Variants in CDYL2 observed in about 807,000 individuals in gnomAD.
CDYL2 encodes the protein chromodomain Y like 2, also known as chromodomain Y-like protein 2.
Under a neutral mutation model 49.4 loss-of-function variants are expected in CDYL2, and 23 were observed. The observed-to-expected ratio is 0.47, with a 90% CI of 0.34 to 0.66. The LOEUF (loss-of-function observed/expected upper bound fraction) is 0.66, where lower values mean the gene tolerates loss of function less well. Ranked by LOEUF, CDYL2 falls within the 30% of genes least tolerant of loss-of-function variation. The pLI is 0.01. For missense variants in CDYL2, 678 were observed against 656.4 expected (o/e 1.03, Z -0.36); for synonymous variants, 360 against 268.8 (o/e 1.34, Z -3.32).
chr16:80,686,767 T>C (rs16953834), intron 1 of CDYL2, among the ~76,000 whole-genome samples: 2,629 of 152,340 alleles, frequency 0.017, 79 homozygotes, highest in African/African-American at 0.06. Context: ...TTAATAAATA[T>C]GCAAATAACT....
rs536585874 is a variant in CDYL2 at position 80,668,877 on chromosome 16, C to T, written c.616+15661G>A. Among the ~76,000 whole-genome samples, 28 of 151,722 alleles carry T rather than the reference C, an allele frequency of 1.8e-4. No individual in the cohort carries two copies. In the South Asian group the frequency reaches 4.6e-3, roughly 25 times the overall value. On this transcript the variant is annotated intron_variant, in intron 2 of 6. Transcript: ENST00000570137. ...TCACCCCACTGCACTCCAACCTGGG[C>T]GACAGAGTCAGACACCATCTCAAAT...
intron 2 of CDYL2, chr16:80,639,588 C>A (rs192940537): frequency 2.3e-6 from 1 of 436,660 alleles, no homozygotes; most frequent in Non-Finnish European, 4.5e-6. Context: ...TACCCTCCCC[C>A]CTGCAAGGAC....
rs896768685 is a variant in CDYL2, at chr16:80,603,770, TAC to T, written c.*616_*617del. On this transcript the variant is annotated 3_prime_UTR_variant, in exon 7 of 7. Coordinates refer to ENST00000570137, the MANE Select transcript of CDYL2 (RefSeq NM_152342.4). ...CACATAAATTATCAGAATTTCCACT[TAC>T]ATTGTTTTAAAAATATATATTTAAC... 6.5e-6 allele frequency: 1 copy of T among 152,696 alleles called. No individual in the cohort carries two copies. The highest frequency in any genetic ancestry group is 2.4e-5 in the African/African-American group (1 of 41,470). 9.5% of individuals were successfully genotyped at this position (152,696 alleles called of 1,614,324 possible).
At chr16:80,674,629 T>A (rs1379730963) in intron 2 of CDYL2, among the ~76,000 whole-genome samples, 1 of 152,212 alleles carries the variant, frequency 6.6e-6, no homozygotes, top group Non-Finnish European at 1.5e-5. Context: ...CCTCCTCCCC[T>A]TAGCCCCTGG....
At chr16:80,783,196 C>G (rs1326367621) in intron 1 of CDYL2, among the ~76,000 whole-genome samples, 1 of 152,096 alleles carries the variant, frequency 6.6e-6, no homozygotes, top group Non-Finnish European at 1.5e-5. Flanking sequence ...CAATTTGAAA[C>G]TAGGCAAAGA....
chr16:80,668,592 G>C (rs1301092480), intron 2 of CDYL2, among the ~76,000 whole-genome samples: 2 of 151,966 alleles, frequency 1.3e-5, no homozygotes, highest in East Asian at 3.8e-4. Flanking sequence ...CCTCTAAATA[G>C]GATTTGGGAA....
At chr16:80,706,345 C>A (rs1043400717) in intron 1 of CDYL2, among the ~76,000 whole-genome samples, 1 of 152,174 alleles carries the variant, frequency 6.6e-6, no homozygotes, top group African/African-American at 2.4e-5. Flanking sequence ...TGGACCCATC[C>A]GCTCAATGCT....
At position 80,599,216 on chromosome 16, in the gene CDYL2, C is replaced by G. The variant is rs114551544; in HGVS notation, c.*5172G>C. On this transcript the variant is annotated 3_prime_UTR_variant, in exon 7 of 7. Transcript: ENST00000570137. ...GATATGGGTTTTTCTGACTGCCACA[C>G]ACACTGCAAAAATTTAAAGCAAATC... The G allele has an allele frequency of 6.6e-6, 1 of 152,160 alleles. No homozygotes were observed. Among genetic ancestry groups the G allele is most frequent in the African/African-American group, 2.4e-5 (1 of 41,426 alleles). 9.4% of individuals were successfully genotyped at this position (152,160 alleles called of 1,614,324 possible). A position where few individuals can be genotyped will look rare whatever the true frequency, so the allele number is the denominator to read the frequency against.
intron 1 of CDYL2, among the ~76,000 whole-genome samples, chr16:80,698,901 T>C (rs868695052): frequency 1.3e-5 from 2 of 151,892 alleles, no homozygotes; most frequent in Non-Finnish European, 2.9e-5. Flanking sequence ...ACTAATACAA[T>C]ATGAAAAAAT....
At chr16:80,649,158 A>G (rs1240358621) in intron 2 of CDYL2, among the ~76,000 whole-genome samples, 2 of 152,168 alleles carry the variant, frequency 1.3e-5, no homozygotes, top group Admixed American at 6.5e-5. Context: ...GACAAATGAA[A>G]GAAATAAAGG....
chr16:80,738,650 T>C (rs1597108561), intron 1 of CDYL2: 1 of 152,340 alleles, frequency 6.6e-6, no homozygotes, highest in East Asian at 1.9e-4. Context: ...GGTATACCGT[T>C]TCTTTTTCAG....
At chr16:80,689,378 T>C (rs1910323454) in intron 1 of CDYL2, among the ~76,000 whole-genome samples, 2 of 152,230 alleles carry the variant, frequency 1.3e-5, no homozygotes, top group African/African-American at 4.8e-5. Flanking sequence ...AGGAACTGTG[T>C]AAATCACTTT....
rs1447683902 is a variant in CDYL2, at chr16:80,620,834, A to C, written c.936T>G (p.Asp312Glu). 2 of 1,613,464 alleles carry C rather than the reference A, an allele frequency of 1.2e-6. No individual in the cohort carries two copies. The highest frequency in any genetic ancestry group is 8.5e-7 in the Non-Finnish European group (1 of 1,179,600). The part of the protein sequence containing the change: ...AVGSVFCSGL[D>E]YSYLIGRLSS... ...ACAACCGGCCAATTAGGTAGGAATA[A>C]TCCAGGCCGCTGCAGAACACGCTCC... Residue 312 changes from aspartate (D) to glutamate (E), a missense_variant, in exon 4 of 7, where the codon GAT becomes GAG. By Grantham distance (45) the Asp-to-Glu change is conservative. Coordinates refer to ENST00000570137, the MANE Select transcript of CDYL2 (RefSeq NM_152342.4).
intron 1 of CDYL2, among the ~76,000 whole-genome samples, chr16:80,712,152 T>A (rs1401637522): frequency 1.4e-5 from 2 of 143,908 alleles, no homozygotes; most frequent in Non-Finnish European, 3.0e-5. Context: ...TATGTGTATA[T>A]ACATGTGTGT....
chr16:80,694,522 A>G (rs1250804533), intron 1 of CDYL2, among the ~76,000 whole-genome samples: 1 of 152,248 alleles, frequency 6.6e-6, no homozygotes, highest in African/African-American at 2.4e-5. Flanking sequence ...CTAAAGGAGA[A>G]GATTAGAATA....
chr16:80,665,030 C>A (rs945250952), intron 2 of CDYL2, among the ~76,000 whole-genome samples: 2 of 152,130 alleles, frequency 1.3e-5, no homozygotes, highest in Non-Finnish European at 2.9e-5. Flanking sequence ...ACCCCCAGAA[C>A]GAGGCATGCT....
At chr16:80,776,551 T>C (rs2142400505) in intron 1 of CDYL2, among the ~76,000 whole-genome samples, 1 of 151,116 alleles carries the variant, frequency 6.6e-6, no homozygotes, top group African/African-American at 2.4e-5. Flanking sequence ...TACACTTCCA[T>C]CCATCTTTTA....
chr16:80,745,600 A>G (rs985194392), intron 1 of CDYL2, among the ~76,000 whole-genome samples: 1 of 152,222 alleles, frequency 6.6e-6, no homozygotes, highest in African/African-American at 2.4e-5. Context: ...CTGTAGGAAC[A>G]CAGTGAGTAA....
intron 1 of CDYL2, 36 bp from the exon 2 acceptor site, chr16:80,685,165 G>C (rs534231001): frequency 1.3e-6 from 2 of 1,535,054 alleles, no homozygotes; most frequent in Non-Finnish European, 1.8e-6. Flanking sequence ...AAAACAGAGA[G>C]AGAGGGAGGA....
Sources: allele counts gnomAD v4.1 joint callset (sites outside exome capture counted in the v4.1 genomes callset), GRCh38; gene constraint gnomAD v4.1.1; transcripts MANE v1.5; gene names NCBI Gene and HGNC (gene_info 2026-07-23, HGNC 2026-07-21).